The following KDM7A variants were observed in gnomAD, a reference collection of about 807,000 sequenced individuals.
The protein encoded by KDM7A is lysine-specific demethylase 7A.
A neutral mutation model predicts 114.8 loss-of-function variants in KDM7A; 28 were observed. That is an observed-to-expected ratio of 0.24 (90% CI 0.18 to 0.33). The LOEUF is 0.33. KDM7A is among the 10% of genes least tolerant of loss of function. KDM7A has a pLI of 1.00. For missense variants in KDM7A, 942 were observed against 1,142.5 expected, an observed-to-expected ratio of 0.82 and a Z score of 2.53; for synonymous variants, 423 against 397.8, an observed-to-expected ratio of 1.06 and a Z score of -0.75.
intron 7 of KDM7A, among the ~76,000 whole-genome samples, chr7:140,121,633 G>T (rs990650380): frequency 6.6e-6 from 1 of 152,156 alleles, no homozygotes; most frequent in African/African-American, 2.4e-5. Context: ...AGCACTACTG[G>T]CATTTTGTGA....
rs773750443 is a variant in KDM7A at position 140,102,028 on chromosome 7, T to C, written c.1561A>G (p.Thr521Ala). The C allele has an allele frequency of 6.2e-7, 1 of 1,613,750 alleles. No homozygotes were observed. Among genetic ancestry groups the C allele is most frequent in the South Asian group, 1.1e-5 (1 of 91,066 alleles). ...TCTAGGATGTCTAGGTTAGAAGGAG[T>C]TCGGACATTATGATCTCGAAGTTTC... ...MRKLRDHNVR[T>A]PSNLDILELH... The change falls in exon 12 of 20, where the codon ACT becomes GCT. Residue 521 changes from threonine (T) to alanine (A), a missense_variant. Around this residue, in one of 4 missense-constraint regions of KDM7A, gnomAD observed 512 missense variants for 576.6 expected, o/e 0.89. Transcript: ENST00000397560.
At chr7:140,151,115 G>A (rs1458685719) in intron 1 of KDM7A, among the ~76,000 whole-genome samples, 1 of 152,110 alleles carries the variant, frequency 6.6e-6, no homozygotes, top group Non-Finnish European at 1.5e-5. Flanking sequence ...ACAGGCGTGA[G>A]CCACCGTGCC....
intron 1 of KDM7A, among the ~76,000 whole-genome samples, chr7:140,141,573 T>TTA (rs1243024391): frequency 2.0e-5 from 3 of 152,172 alleles, no homozygotes; most frequent in East Asian, 1.9e-4. Context: ...TATCAATATC[T>TTA]TATATATATG....
At chr7:140,171,532 T>A (rs149492157) in intron 1 of KDM7A, among the ~76,000 whole-genome samples, 1 of 144,118 alleles carries the variant, frequency 6.9e-6, no homozygotes, top group Non-Finnish European at 1.5e-5. Flanking sequence ...TATATATTTA[T>A]TTATATATTT....
At chr7:140,175,462 G>A (rs970930538) in intron 1 of KDM7A, among the ~76,000 whole-genome samples, 1 of 152,252 alleles carries the variant, frequency 6.6e-6, no homozygotes, top group East Asian at 1.9e-4. Flanking sequence ...ACTCGTGAGC[G>A]TGCTCTCGCC....
intron 11 of KDM7A, 147 bp downstream of exon 11, chr7:140,110,948 A>C: frequency 2.1e-6 from 1 of 477,668 alleles, no homozygotes; most frequent in Non-Finnish European, 3.7e-6. Flanking sequence ...AGAGGCCTGA[A>C]AACCTGAGAA....
intron 7 of KDM7A, among the ~76,000 whole-genome samples, chr7:140,121,832 C>T (rs1224954133): frequency 2.0e-5 from 3 of 152,184 alleles, no homozygotes; most frequent in Middle Eastern, 3.2e-3. Context: ...CAGACACCCA[C>T]ACACAGTATA....
At chr7:140,123,670 A>G (rs1818650564) in intron 7 of KDM7A, among the ~76,000 whole-genome samples, 1 of 152,174 alleles carries the variant, frequency 6.6e-6, no homozygotes, top group Non-Finnish European at 1.5e-5. Flanking sequence ...ATTTTGGAGC[A>G]TTTCAGATTT....
At chr7:140,137,692 AT>A (rs1356745466) in intron 2 of KDM7A, among the ~76,000 whole-genome samples, 1 of 152,228 alleles carries the variant, frequency 6.6e-6, no homozygotes, top group Non-Finnish European at 1.5e-5. Flanking sequence ...AATAGCCTCT[AT>A]TTTAAAAGGA....
At position 140,124,675 on chromosome 7, in the gene KDM7A, C is replaced by T. The variant is rs771706280; in HGVS notation, c.997G>A (p.Asp333Asn). Residue 333 changes from aspartate to asparagine, a missense_variant, in exon 7 of 20, where the codon GAT becomes AAT. Physicochemically the swap from Asp to Asn is conservative, Grantham distance 23. This residue lies in a region of KDM7A where 318 missense variants were observed against 453.1 expected (regional missense o/e 0.70). Transcript: ENST00000397560. ...QSEVFFGDKV[D>N]KCYKCVVKQG... ...TTTACCACACATTTGTAGCATTTAT[C>T]CACCTTATCTCCAAAGAACACCTCA... 2 of 1,613,620 alleles carry T rather than the reference C, an allele frequency of 1.2e-6. No homozygotes were observed. Among genetic ancestry groups the T allele is most frequent in the Non-Finnish European group, 1.7e-6 (2 of 1,179,754 alleles).
intron 12 of KDM7A, among the ~76,000 whole-genome samples, chr7:140,100,731 TATATATATATAC>T (rs1562946129): frequency 2.0e-5 from 1 of 49,978 alleles, no homozygotes; most frequent in African/African-American, 7.5e-5. Flanking sequence ...TATATATATA[TATATATATATAC>T]ATATATATTT....
chr7:140,148,539 G>A (rs1256099717), intron 1 of KDM7A, among the ~76,000 whole-genome samples: 3 of 152,100 alleles, frequency 2.0e-5, no homozygotes, highest in South Asian at 2.1e-4. Context: ...AAAATCTTAC[G>A]TTGCTAGCCA....
At chr7:140,125,390 CATT>C in intron 6 of KDM7A, among the ~76,000 whole-genome samples, 1 of 152,308 alleles carries the variant, frequency 6.6e-6, no homozygotes, top group Non-Finnish European at 1.5e-5. Flanking sequence ...ACACAGTAGC[CATT>C]AGCCACATGT....
chr7:140,176,259 G>A lies in KDM7A; in HGVS notation c.194+485C>T, dbSNP rs1256722359. Among the ~76,000 whole-genome samples, 1 of 150,668 alleles carries A rather than the reference G, an allele frequency of 6.6e-6. No homozygotes were observed. The highest frequency in any genetic ancestry group is 1.5e-5 in the Non-Finnish European group (1 of 67,714). ...CGCGGAGGAGACGCGGGGCCGGGGC[G>A]ACCCCATCGCCGCCCGGAAGGAAGG... On this transcript the variant is annotated intron_variant, in intron 1 of 19. Coordinates refer to ENST00000397560, the MANE Select transcript of KDM7A (RefSeq NM_030647.2). The surrounding 1 kb of genome is among the most constrained non-coding windows in gnomAD (Gnocchi z 4.4).
intron 1 of KDM7A, among the ~76,000 whole-genome samples, chr7:140,163,754 A>T (rs1794545137): frequency 6.6e-6 from 1 of 152,114 alleles, no homozygotes; most frequent in Non-Finnish European, 1.5e-5. Context: ...TCCTTTAATA[A>T]TGAGGATGCT....
At chr7:140,174,856 C>T (rs942615647) in intron 1 of KDM7A, among the ~76,000 whole-genome samples, 1 of 152,156 alleles carries the variant, frequency 6.6e-6, no homozygotes. Flanking sequence ...ACCTCGTGAT[C>T]CACCCGCCTC....
Position 140,087,368 on chromosome 7 carries a change from T to A in KDM7A, c.*3726A>T, listed in dbSNP as rs1817944510. 6.6e-6 allele frequency: 1 copy of A among 152,218 alleles called. No individual in the cohort carries two copies. Among genetic ancestry groups the A allele is most frequent in the South Asian group, 2.1e-4 (1 of 4,830 alleles). 9.4% of individuals were successfully genotyped at this position (152,218 alleles called of 1,614,324 possible). A position where few individuals can be genotyped will look rare whatever the true frequency, so the allele number is the denominator to read the frequency against. On this transcript the variant is annotated 3_prime_UTR_variant, in exon 20 of 20. Coordinates refer to ENST00000397560, the MANE Select transcript of KDM7A (RefSeq NM_030647.2). ...ACTCTCTTATCCATAAACAACTTCA[T>A]TTTTCTTCCACTTCAAGCACGAAAT...
intron 1 of KDM7A, among the ~76,000 whole-genome samples, chr7:140,146,295 T>C (rs1303431708): frequency 1.3e-5 from 2 of 152,226 alleles, no homozygotes; most frequent in East Asian, 3.8e-4. Context: ...CTCAGGTCTT[T>C]GAAAGGAACC....
chr7:140,171,507 A>T (rs974624491), intron 1 of KDM7A, among the ~76,000 whole-genome samples: 2 of 139,548 alleles, frequency 1.4e-5, no homozygotes, highest in African/African-American at 2.7e-5. Context: ...TACATATTTT[A>T]TATATATTTA....
Sources: allele counts gnomAD v4.1 joint callset (sites outside exome capture counted in the v4.1 genomes callset), GRCh38; gene constraint gnomAD v4.1.1; regional missense constraint gnomAD v4.1.1; non-coding constraint Gnocchi (gnomAD v3.1); transcripts MANE v1.5; gene names NCBI Gene and HGNC (gene_info 2026-07-23, HGNC 2026-07-21).